SCFD2: variants seen among roughly 807,000 people sequenced by gnomAD.
SCFD2 encodes sec1 family domain containing 2.
Under a neutral mutation model 58.9 loss-of-function variants are expected in SCFD2, and 54 were observed. The observed-to-expected ratio is 0.92, with a 90% CI of 0.74 to 1.15. SCFD2 has a LOEUF of 1.15. Ranked by LOEUF, SCFD2 falls within the 50% of genes most tolerant of loss-of-function variation. The pLI is 0.00. For synonymous variants in SCFD2, 321 were observed against 335.9 expected (o/e 0.96, Z 0.49); for missense variants, 805 against 836.6 (o/e 0.96, Z 0.47).
At chr4:52,895,542 G>A (rs1370525178) in intron 7 of SCFD2, among the ~76,000 whole-genome samples, 2 of 152,130 alleles carry the variant, frequency 1.3e-5, no homozygotes, top group Admixed American at 1.3e-4. Context: ...TGGTGTATAT[G>A]TGCCACATTT....
At chr4:52,919,962 C>T (rs1387267753) in intron 6 of SCFD2, among the ~76,000 whole-genome samples, 1 of 152,080 alleles carries the variant, frequency 6.6e-6, no homozygotes, top group Non-Finnish European at 1.5e-5. Context: ...AATAAGATTC[C>T]CCACAGTTAA....
chr4:53,063,889 C>T (rs969509118), intron 5 of SCFD2, among the ~76,000 whole-genome samples: 1 of 151,968 alleles, frequency 6.6e-6, no homozygotes, highest in Non-Finnish European at 1.5e-5. Context: ...AATTTTTTTT[C>T]TAGCTAAGCT....
intron 5 of SCFD2, among the ~76,000 whole-genome samples, chr4:53,034,319 T>A (rs1722700987): frequency 6.6e-6 from 1 of 152,176 alleles, no homozygotes; most frequent in Non-Finnish European, 1.5e-5. Flanking sequence ...TGATGGGATG[T>A]ATCTCAAAAT....
intron 5 of SCFD2, among the ~76,000 whole-genome samples, chr4:53,032,023 T>A (rs560310605): frequency 6.6e-6 from 1 of 152,130 alleles, no homozygotes; most frequent in East Asian, 1.9e-4. Context: ...GAAAAAATGT[T>A]AAGGGCAGCC....
In SCFD2 at chr4:53,365,912, G is replaced by C; in HGVS notation, c.30C>G (p.Thr10=). MSASGVLSF[T]QQGWEQVLAK... Reference sequence around the variant, plus strand: ...CCAGCACCTGCTCCCATCCTTGCTGGGTAAAGGACAGTACGCCCGAGGCGC... The same window carrying C: ...CCAGCACCTGCTCCCATCCTTGCTGCGTAAAGGACAGTACGCCCGAGGCGC... Residue 10 remains threonine, a synonymous_variant, in exon 1 of 9, where the codon ACC becomes ACG. Coordinates refer to ENST00000401642, the MANE Select transcript of SCFD2 (RefSeq NM_152540.4). The surrounding 1 kb of genome is among the most constrained non-coding windows in gnomAD (Gnocchi z 4.3). 6.4e-7 allele frequency: 1 copy of C among 1,574,448 alleles called. No individual in the cohort carries two copies. The highest frequency in any genetic ancestry group is 8.6e-7 in the Non-Finnish European group (1 of 1,163,280).
chr4:52,878,118 G>C (rs1718522620), intron 8 of SCFD2, among the ~76,000 whole-genome samples: 1 of 152,178 alleles, frequency 6.6e-6, no homozygotes, highest in Non-Finnish European at 1.5e-5. Flanking sequence ...GCAAGCCTGA[G>C]TGTGTCCCCC....
At chr4:53,175,613 G>A (rs1253996895) in intron 4 of SCFD2, among the ~76,000 whole-genome samples, 1 of 152,128 alleles carries the variant, frequency 6.6e-6, no homozygotes, top group Non-Finnish European at 1.5e-5. Flanking sequence ...TCTCAGGAAA[G>A]ATTTAAAGCA....
At chr4:53,122,249 C>T (rs1440656331) in intron 5 of SCFD2, among the ~76,000 whole-genome samples, 1 of 151,966 alleles carries the variant, frequency 6.6e-6, no homozygotes, top group South Asian at 2.1e-4. Context: ...TGGTGGTGGG[C>T]ACATATAATC....
chr4:53,300,117 A>G (rs1021063453), intron 3 of SCFD2, among the ~76,000 whole-genome samples: 12 of 152,316 alleles, frequency 7.9e-5, no homozygotes, highest in African/African-American at 2.6e-4. Flanking sequence ...TTAAATGTAA[A>G]TGGGCTAAAT....
At chr4:53,102,338 T>A (rs907895331) in intron 5 of SCFD2, among the ~76,000 whole-genome samples, 9 of 152,058 alleles carry the variant, frequency 5.9e-5, no homozygotes, top group African/African-American at 1.2e-4. Context: ...AATTCCTCTA[T>A]AATCTGAGGG....
At chr4:53,005,679 A>T (rs566163964) in intron 5 of SCFD2, among the ~76,000 whole-genome samples, 1 of 152,204 alleles carries the variant, frequency 6.6e-6, no homozygotes, top group Non-Finnish European at 1.5e-5. Context: ...AGCTATAATA[A>T]GATGGAACAA....
At chr4:53,317,036 G>A (rs1187846724) in intron 2 of SCFD2, among the ~76,000 whole-genome samples, 1 of 151,672 alleles carries the variant, frequency 6.6e-6, no homozygotes, top group East Asian at 1.9e-4. Context: ...GAACCCGGGA[G>A]GTAGAGGTTG....
chr4:53,210,289 C>T (rs902511979), intron 4 of SCFD2, among the ~76,000 whole-genome samples: 1 of 152,068 alleles, frequency 6.6e-6, no homozygotes, highest in Non-Finnish European at 1.5e-5. Context: ...GGGCTTAACA[C>T]AGGAGTGTGG....
At chr4:53,054,090 CCTCA>C (rs1365035768) in intron 5 of SCFD2, among the ~76,000 whole-genome samples, 1 of 152,158 alleles carries the variant, frequency 6.6e-6, no homozygotes. Context: ...ATCCTCCCCT[CCTCA>C]CTACCTTTTC....
intron 4 of SCFD2, among the ~76,000 whole-genome samples, chr4:53,173,953 A>T (rs1297404907): frequency 6.6e-6 from 1 of 152,192 alleles, no homozygotes; most frequent in Non-Finnish European, 1.5e-5. Flanking sequence ...ATGTTATATA[A>T]AAAATGTTTA....
intron 3 of SCFD2, among the ~76,000 whole-genome samples, chr4:53,277,813 G>A (rs1466591755): frequency 1.3e-5 from 2 of 152,132 alleles, no homozygotes; most frequent in Admixed American, 6.5e-5. Context: ...AGCTCTTTGG[G>A]AGGCCGAGGC....
At position 53,177,816 on chromosome 4, in the gene SCFD2, T is replaced by A. The variant is rs557371551; in HGVS notation, c.1312-32234A>T. ...GTCACTCCCACCCTAATACTGCACT[T>A]TTCTGATGGGCTTAAAAAATGGCAC... On this transcript the variant is annotated intron_variant, in intron 4 of 8. Coordinates refer to ENST00000401642, the MANE Select transcript of SCFD2 (RefSeq NM_152540.4). 3.7e-3 allele frequency among the ~76,000 whole-genome samples: 566 copies of A among 152,264 alleles called. 2 individuals are homozygous for A. The highest frequency in any genetic ancestry group is 6.0e-3 in the Non-Finnish European group (408 of 68,022).
At chr4:53,307,246 A>G (rs762966175) in intron 3 of SCFD2, among the ~76,000 whole-genome samples, 10 of 152,234 alleles carry the variant, frequency 6.6e-5, no homozygotes, top group Non-Finnish European at 1.5e-4. Context: ...AGGGAAAGCA[A>G]TGAGAATAGG....
At chr4:53,338,147 T>C (rs1733739428) in intron 2 of SCFD2, among the ~76,000 whole-genome samples, 1 of 152,242 alleles carries the variant, frequency 6.6e-6, no homozygotes, top group African/African-American at 2.4e-5. Flanking sequence ...GTATGACTGA[T>C]TTCAGACTTC....
Sources: allele counts gnomAD v4.1 joint callset (sites outside exome capture counted in the v4.1 genomes callset), GRCh38; gene constraint gnomAD v4.1.1; non-coding constraint Gnocchi (gnomAD v3.1); transcripts MANE v1.5; gene names NCBI Gene and HGNC (gene_info 2026-07-23, HGNC 2026-07-21).